Variants in PCDHGB1 observed in about 807,000 individuals in gnomAD.
The protein encoded by PCDHGB1 is protocadherin gamma-B1.
In PCDHGB1, 34 loss-of-function variants were observed where a neutral mutation model predicts 56.6. The ratio of observed to expected loss-of-function variants is 0.60; its 90% CI spans 0.46 to 0.80. The LOEUF (loss-of-function observed/expected upper bound fraction) is 0.80, where lower values mean the gene tolerates loss of function less well. Among genes scored for constraint, PCDHGB1 ranks in the 30% least tolerant of loss-of-function variants. PCDHGB1 has a pLI of 0.00. For missense variants in PCDHGB1, 1,278 were observed against 1,204.6 expected, an observed-to-expected ratio of 1.06 and a Z score of -0.90; for synonymous variants, 561 against 505.9, an observed-to-expected ratio of 1.11 and a Z score of -1.46.
At chr5:141,473,548 C>A (rs1158305951) in intron 1 of PCDHGB1, among the ~76,000 whole-genome samples, 3 of 152,118 alleles carry the variant, frequency 2.0e-5, no homozygotes, top group South Asian at 2.1e-4. Context: ...TAATGGAAGA[C>A]CTCTATTAGG....
chr5:141,478,399 T>C, intron 1 of PCDHGB1: 1 of 1,613,514 alleles, frequency 6.2e-7, no homozygotes, highest in South Asian at 1.1e-5. Flanking sequence ...ATCAGGTGTA[T>C]CTCACCACGG....
intron 1 of PCDHGB1, chr5:141,360,002 A>G: frequency 8.5e-7 from 1 of 1,173,940 alleles, no homozygotes; most frequent in Non-Finnish European, 1.1e-6. Context: ...TCCTGCACAA[A>G]CCAACCACAC....
intron 1 of PCDHGB1, among the ~76,000 whole-genome samples, chr5:141,452,082 T>A (rs924362905): frequency 3.3e-5 from 5 of 152,240 alleles, no homozygotes; most frequent in Non-Finnish European, 7.3e-5. Context: ...GTTGGCATTA[T>A]ACAGTAAGAA....
chr5:141,360,127 AG>A, intron 1 of PCDHGB1: 4 of 1,586,256 alleles, frequency 2.5e-6, no homozygotes, highest in Non-Finnish European at 2.6e-6. Context: ...GAGCAAAGGG[AG>A]CCAGAAGATG....
chr5:141,489,354 G>A lies in PCDHGB1; in HGVS notation c.2410-5453G>A, dbSNP rs773010251. On this transcript the variant is annotated intron_variant, in intron 1 of 3. Coordinates refer to ENST00000523390, the MANE Select transcript of PCDHGB1 (RefSeq NM_018922.3). The surrounding 1 kb of genome is among the most constrained non-coding windows in gnomAD (Gnocchi z 4.5). ...AGCTTCGTTACTCAGTGGTGGAGGA[G>A]TCTGAGCCGGGGACGCTGGTGGGGA... The A allele has an allele frequency of 1.2e-5, 19 of 1,612,796 alleles. No homozygotes were observed. Among genetic ancestry groups the A allele is most frequent in the East Asian group, 2.2e-5 (1 of 44,868 alleles).
intron 1 of PCDHGB1, chr5:141,379,058 G>A (rs533303980): frequency 1.3e-5 from 2 of 152,256 alleles, no homozygotes; most frequent in South Asian, 2.1e-4. Context: ...AGAATGGATT[G>A]GCCACTTGTG....
At chr5:141,399,642 G>A (rs755191053) in intron 1 of PCDHGB1, 154 of 1,613,630 alleles carry the variant, frequency 9.5e-5, no homozygotes, top group East Asian at 4.2e-4. Context: ...CCATGAGCGC[G>A]CAAAGTGGGG....
At chr5:141,385,263 T>C in intron 1 of PCDHGB1, 1 of 1,613,672 alleles carries the variant, frequency 6.2e-7, no homozygotes, top group Non-Finnish European at 8.5e-7. Flanking sequence ...GTGAGAAAAA[T>C]GATTCTTTGC....
intron 1 of PCDHGB1, chr5:141,365,182 A>G: frequency 6.2e-7 from 1 of 1,613,876 alleles, no homozygotes; most frequent in East Asian, 2.2e-5. Context: ...TTCGCAATGA[A>G]GAAGAAAAAA....
intron 1 of PCDHGB1, chr5:141,384,517 C>G: frequency 6.2e-7 from 1 of 1,614,192 alleles, no homozygotes; most frequent in South Asian, 1.1e-5. Context: ...CAGCGGGGAC[C>G]CGCCTCTCAG....
intron 1 of PCDHGB1, chr5:141,415,512 T>G (rs997659180): frequency 3.1e-6 from 5 of 1,614,234 alleles, no homozygotes; most frequent in Non-Finnish European, 4.2e-6. Context: ...AGCCCAATTA[T>G]GCGGACACGC....
intron 1 of PCDHGB1, chr5:141,366,742 G>C: frequency 6.2e-7 from 1 of 1,611,864 alleles, no homozygotes; most frequent in Non-Finnish European, 8.5e-7. Flanking sequence ...AAGAAGAACG[G>C]CGAGTTCAGG....
Position 141,350,401 on chromosome 5 carries a change from A to G in PCDHGB1, c.141A>G (p.Lys47=), listed in dbSNP as rs1465842989. ...TAGCCAACGGCTCACGGGTGGGGAAACTTGCCAAGGATCTGGGGCTCAGTG... is the reference window on the plus strand; with the variant it reads ...TAGCCAACGGCTCACGGGTGGGGAAGCTTGCCAAGGATCTGGGGCTCAGTG... ...EELANGSRVG[K]LAKDLGLSVR... is the part of the protein sequence containing the mutation. The change falls in exon 1 of 4, where the codon AAA becomes AAG. Residue 47 remains lysine, a synonymous_variant. Transcript: ENST00000523390. The G allele has an allele frequency of 6.2e-7, 1 of 1,600,540 alleles. No homozygotes were observed. The highest frequency in any genetic ancestry group is 1.1e-5 in the South Asian group (1 of 89,776).
chr5:141,427,294 A>G (rs1239553754), intron 1 of PCDHGB1: 6 of 456,876 alleles, frequency 1.3e-5, no homozygotes, highest in Non-Finnish European at 2.2e-5. Context: ...GAAATCCTAG[A>G]TGAGAATGAC....
intron 1 of PCDHGB1, chr5:141,405,052 C>A (rs182635391): frequency 2.0e-4 from 329 of 1,613,956 alleles, no homozygotes; most frequent in Non-Finnish European, 2.5e-4. Flanking sequence ...TGGCAGTCGT[C>A]TCCTGTGTCT....
At chr5:141,445,086 A>T (rs190267063) in intron 1 of PCDHGB1, among the ~76,000 whole-genome samples, 163 of 152,322 alleles carry the variant, frequency 1.1e-3, no homozygotes, top group African/African-American at 3.6e-3. Flanking sequence ...TTGTCCCTAC[A>T]TATTTGATGT....
rs1483845993 is a variant in PCDHGB1, at chr5:141,372,004, A to G, written c.2409+19335A>G. On this transcript the variant is annotated intron_variant, in intron 1 of 3. Transcript: ENST00000523390. ...GAGCTCACTCTGCAGGCCCGCGACC[A>G]GGGCTCGCCTACGCTCAGCGCCAAC... 5.0e-6 allele frequency: 8 copies of G among 1,613,122 alleles called. No homozygotes were observed. The highest frequency in any genetic ancestry group is 6.8e-6 in the Non-Finnish European group (8 of 1,179,734).
At chr5:141,360,906 G>A in intron 1 of PCDHGB1, 4 of 1,614,012 alleles carry the variant, frequency 2.5e-6, no homozygotes, top group South Asian at 1.1e-5. Context: ...ACGTGCCGCC[G>A]GGCTTCTTTG....
In PCDHGB1 at chr5:141,448,129, C is replaced by A. The variant is rs116387986; in HGVS notation, c.2410-46678C>A. On this transcript the variant is annotated intron_variant, in intron 1 of 3. Coordinates refer to ENST00000523390, the MANE Select transcript of PCDHGB1 (RefSeq NM_018922.3). Reference sequence around the variant, plus strand: ...AGAAAAGAAAATTAGCCTCCCCCACCCTCACTATACCTCAGACTCACCCCT... The same window carrying A: ...AGAAAAGAAAATTAGCCTCCCCCACACTCACTATACCTCAGACTCACCCCT... 4.4e-3 allele frequency among the ~76,000 whole-genome samples: 671 copies of A among 152,002 alleles called. 4 individuals carry two copies. Among genetic ancestry groups the A allele is most frequent in the African/African-American group, 0.015 (612 of 41,466 alleles).
Sources: gnomAD v4.1 joint callset for allele counts (sites outside exome capture counted in the v4.1 genomes callset) on GRCh38, gnomAD v4.1.1 for gene constraint, Gnocchi (gnomAD v3.1) non-coding constraint, MANE v1.5 for transcripts, NCBI Gene and HGNC (gene_info 2026-07-23, HGNC 2026-07-21) for gene names.